GPBP1: variants seen among roughly 807,000 people sequenced by gnomAD.
GPBP1 encodes vasculin.
A neutral mutation model predicts 56.5 loss-of-function variants in GPBP1; 13 were observed. The ratio of observed to expected loss-of-function variants is 0.23; its 90% CI spans 0.15 to 0.37. The LOEUF is 0.37. GPBP1 is among the 10% of genes least tolerant of loss of function. The probability of loss-of-function intolerance (pLI) is 1.00; values close to 1 mark genes in which losing one functional copy is unlikely to be tolerated. For synonymous variants in GPBP1, 204 were observed against 188.9 expected (o/e 1.08, Z -0.66); for missense variants, 477 against 572.3 (o/e 0.83, Z 1.70).
rs190405185 is a variant in GPBP1 at position 57,243,057 on chromosome 5, A to G, written c.479-3243A>G. Among the ~76,000 whole-genome samples the G allele has an allele frequency of 1.8e-4, 26 of 147,878 alleles. No homozygotes were observed. In the East Asian group the frequency reaches 5.2e-3, roughly 30 times the overall value. On this transcript the variant is annotated intron_variant, in intron 6 of 11. Transcript: ENST00000506184. Reference sequence around the variant, plus strand: ...AGCCACTGCGCCCGGCCTAATATGAATTACTTTTTTTGTTTTTTTCTTTTT... The same window carrying G: ...AGCCACTGCGCCCGGCCTAATATGAGTTACTTTTTTTGTTTTTTTCTTTTT...
chr5:57,181,521 C>T (rs956784357), intron 2 of GPBP1, among the ~76,000 whole-genome samples: 1 of 150,818 alleles, frequency 6.6e-6, no homozygotes, highest in South Asian at 2.1e-4. Context: ...TGCCTATTAT[C>T]CTAATACTTT....
chr5:57,188,976 C>T (rs1305991506), intron 2 of GPBP1, among the ~76,000 whole-genome samples: 1 of 151,454 alleles, frequency 6.6e-6, no homozygotes, highest in Non-Finnish European at 1.5e-5. Flanking sequence ...TTGTACAAGC[C>T]TCTTTCTGTC....
intron 10 of GPBP1, among the ~76,000 whole-genome samples, chr5:57,258,240 A>G (rs1008333697): frequency 2.6e-5 from 4 of 152,248 alleles, no homozygotes; most frequent in African/African-American, 7.2e-5. Flanking sequence ...TAAGGGTTAC[A>G]GTAATATAGT....
intron 3 of GPBP1, among the ~76,000 whole-genome samples, chr5:57,218,903 A>T (rs1008188776): frequency 6.6e-6 from 1 of 152,198 alleles, no homozygotes; most frequent in African/African-American, 2.4e-5. Context: ...GGGTTTGAAG[A>T]TGGATCTTAG....
At chr5:57,200,516 C>T (rs983775664) in intron 2 of GPBP1, among the ~76,000 whole-genome samples, 4 of 151,262 alleles carry the variant, frequency 2.6e-5, no homozygotes, top group African/African-American at 7.3e-5. Flanking sequence ...TACAGGCATG[C>T]GCCACCATGG....
rs553995119 is a variant in GPBP1, at chr5:57,181,775, A to G, written c.-58+5375A>G. On this transcript the variant is annotated intron_variant, in intron 2 of 11. Coordinates refer to ENST00000506184, the MANE Select transcript of GPBP1 (RefSeq NM_022913.4). ...AAATTGATAATTTTGTGGGCATTTC[A>G]GTGCATTTTTCTGGAAAGGTCCATT... Among the ~76,000 whole-genome samples the G allele has an allele frequency of 1.1e-4, 17 of 152,324 alleles. No homozygotes were observed. The East Asian group carries it at 2.5e-3, about 22-fold the overall frequency.
intron 8 of GPBP1, among the ~76,000 whole-genome samples, chr5:57,247,858 C>T (rs373090313): frequency 6.6e-6 from 1 of 152,050 alleles, no homozygotes; most frequent in Admixed American, 6.6e-5. Context: ...GTCCTCCCAT[C>T]TTAGTCTCCT....
chr5:57,217,945 C>T (rs1580020730), intron 3 of GPBP1, among the ~76,000 whole-genome samples: 1 of 152,044 alleles, frequency 6.6e-6, no homozygotes, highest in Non-Finnish European at 1.5e-5. Context: ...AATTTCTTTT[C>T]ACTTATGAAA....
chr5:57,250,855 A>G lies in GPBP1; in HGVS notation c.973-99A>G. ...CCACTGCGCCTGGCCGCATTTATGTATTTTCAATGGAAGCTTAGTTAGGAT... is the reference window on the plus strand; with the variant it reads ...CCACTGCGCCTGGCCGCATTTATGTGTTTTCAATGGAAGCTTAGTTAGGAT... On this transcript the variant is annotated intron_variant, in intron 9 of 11. Transcript: ENST00000506184. 5 of 834,796 alleles carry G rather than the reference A, an allele frequency of 6.0e-6. No homozygotes were observed. In the South Asian group the frequency reaches 9.7e-5, roughly 16 times the overall value. 51.7% of individuals were successfully genotyped at this position (834,796 alleles called of 1,614,324 possible).
At chr5:57,196,009 T>TAAAAAAAAAAAAA in intron 2 of GPBP1, among the ~76,000 whole-genome samples, 3 of 120,946 alleles carry the variant, frequency 2.5e-5, no homozygotes, top group African/African-American at 1.0e-4. Flanking sequence ...AAAAAAAATT[T>TAAAAAAAAAAAAA]TTTTTTTTTG....
chr5:57,236,004 C>A lies in GPBP1; in HGVS notation c.450C>A (p.His150Gln). Residue 150 changes from histidine to glutamine, a missense_variant, in exon 6 of 12, where the codon CAC (histidine) becomes CAA (glutamine). By Grantham distance (24) the His-to-Gln change is conservative. This residue lies in a region of GPBP1 where 414 missense variants were observed against 458.2 expected (regional missense o/e 0.90). Transcript: ENST00000506184. ...CTGAGTATGAGAGAGAACCAAATCA[C>A]AATAAGTCTTTAGCTGCAGGTGTGT... is the stretch of plus-strand genomic sequence containing the variant. ...LNPEYEREPN[H>Q]NKSLAAGVWE... is the part of the protein sequence containing the mutation. The A allele has an allele frequency of 6.2e-7, 1 of 1,611,742 alleles. No homozygotes were observed. Among genetic ancestry groups the A allele is most frequent in the Non-Finnish European group, 8.5e-7 (1 of 1,177,982 alleles).
chr5:57,206,865 A>G (rs868577654), intron 2 of GPBP1, among the ~76,000 whole-genome samples: 3 of 152,102 alleles, frequency 2.0e-5, no homozygotes, highest in Non-Finnish European at 4.4e-5. Context: ...TTTGATCACT[A>G]TGGCCAAGGT....
chr5:57,198,513 A>G (rs1754860618), intron 2 of GPBP1, among the ~76,000 whole-genome samples: 1 of 152,142 alleles, frequency 6.6e-6, no homozygotes. Context: ...TATTTCTATT[A>G]TGGTAGTGGT....
intron 6 of GPBP1, chr5:57,237,143 C>A: frequency 6.5e-7 from 1 of 1,549,750 alleles, no homozygotes. Flanking sequence ...ACATACCCAA[C>A]CAAAAAAATC....
intron 2 of GPBP1, among the ~76,000 whole-genome samples, chr5:57,195,369 C>T (rs1324627825): frequency 1.3e-5 from 2 of 152,110 alleles, no homozygotes; most frequent in Admixed American, 6.6e-5. Context: ...TTTGCCCAGG[C>T]TGGTCTCCAG....
At chr5:57,186,433 G>A (rs1754289461) in intron 2 of GPBP1, among the ~76,000 whole-genome samples, 1 of 151,060 alleles carries the variant, frequency 6.6e-6, no homozygotes, top group African/African-American at 2.4e-5. Flanking sequence ...TTGTGCTTTT[G>A]TGTCCTAAGA....
At chr5:57,224,504 A>G (rs1324786923) in intron 3 of GPBP1, among the ~76,000 whole-genome samples, 2 of 151,938 alleles carry the variant, frequency 1.3e-5, no homozygotes, top group Non-Finnish European at 2.9e-5. Flanking sequence ...CAGCCTCCCA[A>G]AGTGCTGGGA....
chr5:57,229,499 TTTTTC>T (rs1756349223), intron 3 of GPBP1, among the ~76,000 whole-genome samples: 1 of 81,516 alleles, frequency 1.2e-5, no homozygotes, highest in East Asian at 2.2e-3. Context: ...TTCCTTTTCC[TTTTTC>T]CTTTTTCTTT....
intron 5 of GPBP1, among the ~76,000 whole-genome samples, chr5:57,234,111 G>A (rs1483332574): frequency 3.9e-5 from 6 of 152,072 alleles, no homozygotes; most frequent in Admixed American, 2.6e-4. Flanking sequence ...AATCATGGTG[G>A]TATGCATGTA....
Sources: gnomAD v4.1 joint callset for allele counts (sites outside exome capture counted in the v4.1 genomes callset) on GRCh38, gnomAD v4.1.1 for gene constraint, gnomAD v4.1.1 regional missense constraint, MANE v1.5 for transcripts, NCBI Gene and HGNC (gene_info 2026-07-23, HGNC 2026-07-21) for gene names.